KIF6: variants seen among roughly 807,000 people sequenced by gnomAD.
KIF6 encodes kinesin-like protein KIF6.
A neutral mutation model predicts 112.7 loss-of-function variants in KIF6; 106 were observed. That is an observed-to-expected ratio of 0.94 (90% CI 0.80 to 1.11). The LOEUF (loss-of-function observed/expected upper bound fraction) is 1.11, where lower values mean the gene tolerates loss of function less well. Ranked by LOEUF, KIF6 falls within the 50% of genes least tolerant of loss-of-function variation. The pLI, the probability that KIF6 is intolerant of heterozygous loss-of-function variation, is 0.00. For synonymous variants in KIF6, 339 were observed against 339.9 expected (o/e 1.00, Z 0.03); for missense variants, 929 against 964.0 (o/e 0.96, Z 0.48).
In KIF6 at chr6:39,431,427, G is replaced by A. The variant is rs572339987; in HGVS notation, c.1646-266C>T. ...GGCGGGGTTTGGAATGCCTGCTCGG[G>A]GGAAATGAAAACCACAGCGCCAAGC... On this transcript the variant is annotated intron_variant, in intron 13 of 22. Coordinates refer to ENST00000287152, the MANE Select transcript of KIF6 (RefSeq NM_145027.6). 4 of 343,106 alleles carry A rather than the reference G, an allele frequency of 1.2e-5. No individual in the cohort carries two copies. In the South Asian group the frequency reaches 3.4e-4, roughly 29 times the overall value. 21.3% of individuals were successfully genotyped at this position (343,106 alleles called of 1,614,324 possible).
chr6:39,647,566 A>G (rs748330913), intron 3 of KIF6, among the ~76,000 whole-genome samples: 8 of 152,144 alleles, frequency 5.3e-5, no homozygotes, highest in Non-Finnish European at 1.2e-4. Context: ...TGAGAAGAAA[A>G]TAAGTTTTAT....
intron 15 of KIF6, among the ~76,000 whole-genome samples, chr6:39,419,585 G>GTT (rs1248523798): frequency 1.3e-5 from 2 of 152,124 alleles, no homozygotes; most frequent in Admixed American, 6.5e-5. Context: ...TTTGGGAGGT[G>GTT]TAAGAGTGTT....
Position 39,548,626 on chromosome 6 carries a change from A to T in KIF6, c.1182-2938T>A, listed in dbSNP as rs574662853. ...TAATTAAAATGCAGAAAAATGCTTA[A>T]TTCAGATGTTTTCGTTGTACTCCTC... On this transcript the variant is annotated intron_variant, in intron 10 of 22. Coordinates refer to ENST00000287152, the MANE Select transcript of KIF6 (RefSeq NM_145027.6). Among the ~76,000 whole-genome samples, 8 of 152,346 alleles carry T rather than the reference A, an allele frequency of 5.3e-5. 1 individual carries two copies. The South Asian group carries it at 1.7e-3, about 32-fold the overall frequency.
chr6:39,412,361 C>T (rs547167421), intron 15 of KIF6, among the ~76,000 whole-genome samples: 12 of 152,286 alleles, frequency 7.9e-5, no homozygotes, highest in African/African-American at 2.9e-4. Context: ...TTGCTCTTTT[C>T]GTCTCTAGAT....
chr6:39,715,209 T>C (rs1026764082), intron 2 of KIF6, among the ~76,000 whole-genome samples: 1 of 152,244 alleles, frequency 6.6e-6, no homozygotes, highest in Non-Finnish European at 1.5e-5. Flanking sequence ...TTGAACTTAG[T>C]TTTAGTATTT....
chr6:39,616,429 A>C (rs1234101253), intron 5 of KIF6, among the ~76,000 whole-genome samples: 1 of 152,098 alleles, frequency 6.6e-6, no homozygotes, highest in Non-Finnish European at 1.5e-5. Flanking sequence ...TTGACCATGG[A>C]GGTTTTGAAA....
chr6:39,446,875 TAAAGA>T (rs1402219767), intron 13 of KIF6, among the ~76,000 whole-genome samples: 1 of 152,156 alleles, frequency 6.6e-6, no homozygotes, highest in Non-Finnish European at 1.5e-5. Context: ...TATATAAAAA[TAAAGA>T]AAACAATATG....
chr6:39,339,657 C>A (rs1364394677), intron 22 of KIF6, among the ~76,000 whole-genome samples: 1 of 151,726 alleles, frequency 6.6e-6, no homozygotes, highest in Admixed American at 6.6e-5. Context: ...GGGTTAACCT[C>A]ATTTCCTCAG....
chr6:39,654,461 T>C (rs1217653498), intron 3 of KIF6, among the ~76,000 whole-genome samples: 1 of 152,158 alleles, frequency 6.6e-6, no homozygotes, highest in Non-Finnish European at 1.5e-5. Context: ...ATCAATTAAC[T>C]CCTCTCCTGT....
chr6:39,499,673 A>G (rs1453493827), intron 13 of KIF6, among the ~76,000 whole-genome samples: 1 of 152,186 alleles, frequency 6.6e-6, no homozygotes, highest in East Asian at 1.9e-4. Flanking sequence ...GCTTGAGAAT[A>G]TGGGTAAGCA....
At chr6:39,722,893 C>G (rs565706370) in intron 1 of KIF6, among the ~76,000 whole-genome samples, 1 of 152,264 alleles carries the variant, frequency 6.6e-6, no homozygotes, top group South Asian at 2.1e-4. Context: ...TCACCAAAGA[C>G]ATACAAAATG....
chr6:39,343,323 T>G lies in KIF6; in HGVS notation c.2428+386A>C, dbSNP rs1037532728. 3.9e-6 allele frequency: 5 copies of G among 1,296,084 alleles called. No homozygotes were observed. The African/African-American group carries it at 6.1e-5, about 16-fold the overall frequency. The allele number at this position is 1,296,084 out of a possible 1,614,324, so 80.3% of individuals were successfully genotyped here. Reference sequence around the variant, plus strand: ...CACACTCTGATAGGGGAGTGAGACTTTAAGCCAGGGGTTCAACGAGTTACC... The same window carrying G: ...CACACTCTGATAGGGGAGTGAGACTGTAAGCCAGGGGTTCAACGAGTTACC... On this transcript the variant is annotated intron_variant, in intron 22 of 22. Transcript: ENST00000287152. This position sits in a 1 kb window ranked among gnomAD's most constrained non-coding sequence, Gnocchi z 4.1.
intron 15 of KIF6, among the ~76,000 whole-genome samples, chr6:39,418,664 G>A (rs1581808019): frequency 6.6e-6 from 1 of 152,142 alleles, no homozygotes; most frequent in African/African-American, 2.4e-5. Flanking sequence ...TGGACCTTAG[G>A]TCAAGAACTC....
At position 39,343,773 on chromosome 6, in the gene KIF6, G is replaced by A. The variant is rs767531690; in HGVS notation, c.2364C>T (p.Asp788=). The A allele has an allele frequency of 1.2e-4, 193 of 1,612,884 alleles. No homozygotes were observed. Among genetic ancestry groups the A allele is most frequent in the Non-Finnish European group, 1.6e-4 (184 of 1,179,582 alleles). ...CGATGATGTCCGAGTCCGTCTGGCT[G>A]TCTCCGGTGAGAGGGATGGACGACA... ...RPVSSIPLTG[D]SQTDSDIIAF... is the part of the protein sequence containing the mutation. Residue 788 remains aspartate (D), a synonymous_variant, in exon 22 of 23, where the codon GAC becomes GAT. Transcript: ENST00000287152. The surrounding 1 kb of genome is among the most constrained non-coding windows in gnomAD (Gnocchi z 4.1).
intron 13 of KIF6, among the ~76,000 whole-genome samples, chr6:39,485,288 T>C (rs62402247): frequency 0.1 from 15,963 of 152,230 alleles, 975 homozygotes; most frequent in Middle Eastern, 0.16. Flanking sequence ...TTTAATCAAG[T>C]ATGATGAAAT....
intron 15 of KIF6, among the ~76,000 whole-genome samples, chr6:39,397,677 AG>A (rs1768374433): frequency 6.6e-6 from 1 of 152,208 alleles, no homozygotes; most frequent in Non-Finnish European, 1.5e-5. Context: ...ACTAGAAAAA[AG>A]AGGCAAAGCA....
chr6:39,447,810 A>G (rs1034403877), intron 13 of KIF6, among the ~76,000 whole-genome samples: 5 of 152,136 alleles, frequency 3.3e-5, no homozygotes, highest in Non-Finnish European at 5.9e-5. Flanking sequence ...CTGTAGTCCA[A>G]TGGACTTCCA....
chr6:39,628,135 C>A (rs1377344063), intron 5 of KIF6, among the ~76,000 whole-genome samples: 1 of 151,970 alleles, frequency 6.6e-6, no homozygotes, highest in Non-Finnish European at 1.5e-5. Flanking sequence ...CAGTTTTTCC[C>A]AATTGTAACA....
intron 3 of KIF6, among the ~76,000 whole-genome samples, chr6:39,712,434 T>C (rs573925437): frequency 5.3e-5 from 8 of 152,214 alleles, no homozygotes; most frequent in African/African-American, 1.9e-4. Context: ...TGGATAAAAG[T>C]GCTCTTGCCT....
Sources: allele counts gnomAD v4.1 joint callset (sites outside exome capture counted in the v4.1 genomes callset), GRCh38; gene constraint gnomAD v4.1.1; non-coding constraint Gnocchi (gnomAD v3.1); transcripts MANE v1.5; gene names NCBI Gene and HGNC (gene_info 2026-07-23, HGNC 2026-07-21).